REEP5: variants seen among roughly 807,000 people sequenced by gnomAD.
REEP5 encodes receptor accessory protein 5, also known as receptor expression-enhancing protein 5.
REEP5 carries 24 observed loss-of-function variants against 22.4 expected under a neutral mutation model. The ratio of observed to expected loss-of-function variants is 1.07; its 90% CI spans 0.78 to 1.51. The LOEUF is 1.51. Among genes scored for constraint, REEP5 ranks in the 40% most tolerant of loss-of-function variants. The pLI, the probability that REEP5 is intolerant of heterozygous loss-of-function variation, is 0.00. For missense variants in REEP5, 252 were observed against 233.0 expected (o/e 1.08, Z -0.53); for synonymous variants, 103 against 88.6 (o/e 1.16, Z -0.92).
At chr5:112,879,797 G>A (rs569892201) in intron 4 of REEP5, among the ~76,000 whole-genome samples, 6 of 151,928 alleles carry the variant, frequency 3.9e-5, no homozygotes, top group African/African-American at 9.6e-5. Context: ...CTTTAAATTC[G>A]GCCAGGCATA....
chr5:112,914,726 T>G (rs1430125833), intron 2 of REEP5, among the ~76,000 whole-genome samples: 1 of 152,124 alleles, frequency 6.6e-6, no homozygotes, highest in Admixed American at 6.6e-5. Context: ...AGGGCCACCT[T>G]AGATGCGGAC....
At position 112,878,609 on chromosome 5, in the gene REEP5, C is replaced by A; in HGVS notation, c.*177G>T. On this transcript the variant is annotated 3_prime_UTR_variant, in exon 5 of 5. Transcript: ENST00000379638. The stretch of plus-strand genomic sequence containing the variant: ...CCACTGCATTAAGTTTAAAGTGCTC[C>A]CTATATATATAGACAGTAAAAGTAA... The A allele has an allele frequency of 1.1e-6, 1 of 908,242 alleles. No homozygotes were observed. Among genetic ancestry groups the A allele is most frequent in the Non-Finnish European group, 1.6e-6 (1 of 621,958 alleles). 56.3% of individuals were successfully genotyped at this position (908,242 alleles called of 1,614,324 possible).
intron 3 of REEP5, among the ~76,000 whole-genome samples, chr5:112,890,219 G>A (rs1768393748): frequency 6.6e-6 from 1 of 150,408 alleles, no homozygotes; most frequent in African/African-American, 2.5e-5. Flanking sequence ...GACCTTGGGA[G>A]GTCGAGACTG....
chr5:112,910,541 ATCAT>A (rs1437559149), intron 2 of REEP5, among the ~76,000 whole-genome samples: 1 of 152,230 alleles, frequency 6.6e-6, no homozygotes, highest in Non-Finnish European at 1.5e-5. Context: ...TTTTATTACC[ATCAT>A]GCCATTTTGG....
At chr5:112,915,146 G>A (rs1389929716) in intron 2 of REEP5, among the ~76,000 whole-genome samples, 1 of 152,032 alleles carries the variant, frequency 6.6e-6, no homozygotes, top group South Asian at 2.1e-4. Context: ...CAGGTCAGAA[G>A]GAGATGAGGG....
intron 3 of REEP5, among the ~76,000 whole-genome samples, chr5:112,899,504 C>A (rs1198353372): frequency 6.6e-6 from 1 of 152,112 alleles, no homozygotes; most frequent in Non-Finnish European, 1.5e-5. Context: ...ACATATGGAT[C>A]TATTTCATTC....
At chr5:112,904,110 T>A (rs1396229472) in intron 2 of REEP5, among the ~76,000 whole-genome samples, 1 of 152,112 alleles carries the variant, frequency 6.6e-6, no homozygotes, top group Non-Finnish European at 1.5e-5. Context: ...GTCTGGTGGC[T>A]CCCACACCCA....
chr5:112,921,363 C>G, intron 1 of REEP5, 107 bp from the exon 2 acceptor site: 2 of 1,037,064 alleles, frequency 1.9e-6, no homozygotes, highest in East Asian at 2.5e-5. Context: ...GTTTTCCTCT[C>G]GACTCGATTA....
At chr5:112,915,628 TCA>T (rs1276462735) in intron 2 of REEP5, among the ~76,000 whole-genome samples, 2 of 152,224 alleles carry the variant, frequency 1.3e-5, no homozygotes, top group Non-Finnish European at 2.9e-5. Context: ...ATTGCTTAAG[TCA>T]CAGTTTGCAG....
chr5:112,910,363 G>C (rs1217044323), intron 2 of REEP5, among the ~76,000 whole-genome samples: 1 of 152,162 alleles, frequency 6.6e-6, no homozygotes, highest in Non-Finnish European at 1.5e-5. Context: ...AGAGGAGGCT[G>C]TGTATGTGTA....
chr5:112,883,510 G>A (rs1768139554), intron 4 of REEP5, among the ~76,000 whole-genome samples: 1 of 152,170 alleles, frequency 6.6e-6, no homozygotes, highest in South Asian at 2.1e-4. Flanking sequence ...TGCTTTGCTA[G>A]TTGCTTCTCA....
chr5:112,878,703 A>ATAAT lies in REEP5; in HGVS notation c.*79_*82dup. 6.5e-7 allele frequency: 1 copy of ATAAT among 1,545,756 alleles called. No homozygotes were observed. The highest frequency in any genetic ancestry group is 1.2e-5 in the South Asian group (1 of 83,744). On this transcript the variant is annotated 3_prime_UTR_variant, in exon 5 of 5. Coordinates refer to ENST00000379638, the MANE Select transcript of REEP5 (RefSeq NM_005669.5). ...ATGTTTCCAAGGCAACATTATTAAAATAATTATACCACAGTCCCTAATATA... is the reference window on the plus strand; with the variant it reads ...ATGTTTCCAAGGCAACATTATTAAAATAATTAATTATACCACAGTCCCTAATATA...
At chr5:112,917,978 C>A (rs1050793606) in intron 2 of REEP5, among the ~76,000 whole-genome samples, 9 of 152,084 alleles carry the variant, frequency 5.9e-5, no homozygotes, top group Non-Finnish European at 1.3e-4. Flanking sequence ...TAAAAGTGTA[C>A]AATTTATAAG....
At chr5:112,892,467 TG>T in intron 3 of REEP5, 2 of 1,614,148 alleles carry the variant, frequency 1.2e-6, no homozygotes, top group Non-Finnish European at 1.7e-6. Flanking sequence ...GCAATGTATA[TG>T]TTCAGTACCA....
At chr5:112,898,086 G>A (rs1396671713) in intron 3 of REEP5, 1 of 152,010 alleles carries the variant, frequency 6.6e-6, no homozygotes, top group Non-Finnish European at 1.5e-5. Context: ...ACAAACCCAT[G>A]TCCTTACTTG....
chr5:112,920,707 G>A (rs1410099286), intron 2 of REEP5, among the ~76,000 whole-genome samples: 1 of 152,116 alleles, frequency 6.6e-6, no homozygotes, highest in Non-Finnish European at 1.5e-5. Flanking sequence ...AAGAAAATGA[G>A]AAAATTCTCC....
At chr5:112,887,670 TG>T (rs997234710) in intron 3 of REEP5, among the ~76,000 whole-genome samples, 4 of 152,218 alleles carry the variant, frequency 2.6e-5, no homozygotes, top group Non-Finnish European at 5.9e-5. Flanking sequence ...CTTCCTTTGG[TG>T]GACCTCAGTT....
intron 1 of REEP5, 57 bp downstream of exon 1, chr5:112,922,016 C>A: frequency 6.5e-7 from 1 of 1,548,656 alleles, no homozygotes; most frequent in Non-Finnish European, 8.7e-7. Flanking sequence ...TCCCCAGCAG[C>A]TGGGGCAGCG....
chr5:112,913,731 C>A (rs776104545), intron 2 of REEP5, among the ~76,000 whole-genome samples: 1 of 152,038 alleles, frequency 6.6e-6, no homozygotes, highest in Non-Finnish European at 1.5e-5. Context: ...TATAACAATG[C>A]GGAATGTGGA....
Sources: gnomAD v4.1 joint callset for allele counts (sites outside exome capture counted in the v4.1 genomes callset) on GRCh38, gnomAD v4.1.1 for gene constraint, MANE v1.5 for transcripts, NCBI Gene and HGNC (gene_info 2026-07-23, HGNC 2026-07-21) for gene names.